KCNIP4: variants seen among roughly 807,000 people sequenced by gnomAD.
KCNIP4 encodes the protein potassium voltage-gated channel interacting protein 4, also known as Kv channel-interacting protein 4.
KCNIP4 carries 12 observed loss-of-function variants against 34.0 expected under a neutral mutation model. The ratio of observed to expected loss-of-function variants is 0.35; its 90% confidence interval spans 0.23 to 0.57. The LOEUF (loss-of-function observed/expected upper bound fraction) is 0.57, where lower values mean the gene tolerates loss of function less well. Ranked by LOEUF, KCNIP4 falls within the 20% of genes least tolerant of loss-of-function variation. KCNIP4 has a pLI of 0.83. For missense variants in KCNIP4, 238 were observed against 311.7 expected, an observed-to-expected ratio of 0.76 and a Z score of 1.78; for synonymous variants, 124 against 102.2, an observed-to-expected ratio of 1.21 and a Z score of -1.29.
chr4:21,416,936 G>A (rs1040280232), intron 1 of KCNIP4, among the ~76,000 whole-genome samples: 2 of 152,212 alleles, frequency 1.3e-5, no homozygotes, highest in African/African-American at 4.8e-5. Flanking sequence ...TCAAAGTCAT[G>A]CTGATGAGAG....
intron 1 of KCNIP4, among the ~76,000 whole-genome samples, chr4:21,072,414 T>C (rs1745036896): frequency 6.6e-6 from 1 of 152,236 alleles, no homozygotes; most frequent in Non-Finnish European, 1.5e-5. Context: ...CATTTTTTCA[T>C]GTGTCTGTTG....
At chr4:21,266,660 C>G (rs1187098137) in intron 1 of KCNIP4, among the ~76,000 whole-genome samples, 1 of 152,194 alleles carries the variant, frequency 6.6e-6, no homozygotes, top group Non-Finnish European at 1.5e-5. Context: ...GGAGCTGCAT[C>G]TGCGAATGTC....
At chr4:21,042,029 G>A (rs1742006370) in intron 1 of KCNIP4, among the ~76,000 whole-genome samples, 1 of 152,188 alleles carries the variant, frequency 6.6e-6, no homozygotes, top group Non-Finnish European at 1.5e-5. Context: ...CAAGCAGCCA[G>A]CACAATGCTT....
chr4:20,792,102 A>C (rs947195820), intron 3 of KCNIP4, among the ~76,000 whole-genome samples: 2 of 152,210 alleles, frequency 1.3e-5, no homozygotes, highest in Non-Finnish European at 2.9e-5. Context: ...GGCTGGGTGC[A>C]ATGGCTCACG....
intron 1 of KCNIP4, among the ~76,000 whole-genome samples, chr4:21,143,680 G>C (rs1328848063): frequency 6.6e-6 from 1 of 151,432 alleles, no homozygotes; most frequent in Non-Finnish European, 1.5e-5. Context: ...GGACCACTAG[G>C]CTTTGTTTAA....
intron 1 of KCNIP4, among the ~76,000 whole-genome samples, chr4:21,905,326 C>T (rs1727934135): frequency 6.6e-6 from 1 of 152,124 alleles, no homozygotes. Flanking sequence ...GGGAATAGCT[C>T]AACTCTGCAT....
chr4:21,911,502 G>A (rs1272235104), intron 1 of KCNIP4, among the ~76,000 whole-genome samples: 1 of 135,606 alleles, frequency 7.4e-6, no homozygotes, highest in African/African-American at 2.7e-5. Context: ...CCTGAGAGGC[G>A]CTTGACTTTT....
rs1736339696 is a variant in KCNIP4 at position 20,983,942 on chromosome 4, G to A, written c.62-101233C>T. 5 of 1,535,922 alleles carry A rather than the reference G, an allele frequency of 3.3e-6. No individual in the cohort carries two copies. The East Asian group carries it at 1.2e-4, about 38-fold the overall frequency. On this transcript the variant is annotated intron_variant, in intron 1 of 8. Coordinates refer to ENST00000382152, the MANE Select transcript of KCNIP4 (RefSeq NM_025221.6). ...AGTCAACATCCTCTGAGCTGGCAGA[G>A]CATCCCAGCCTCCAGACCCCTTTGG...
rs374243641 is a variant in KCNIP4 at position 20,974,341 on chromosome 4, T to C, written c.62-91632A>G. Among the ~76,000 whole-genome samples, 6 of 152,078 alleles carry C rather than the reference T, an allele frequency of 3.9e-5. No individual in the cohort carries two copies. The East Asian group carries it at 5.8e-4, about 15-fold the overall frequency. On this transcript the variant is annotated intron_variant, in intron 1 of 8. Coordinates refer to ENST00000382152, the MANE Select transcript of KCNIP4 (RefSeq NM_025221.6). Reference sequence around the variant, plus strand: ...CAGTGCATCAGGATTCATTATTAAGTGTGTTTGCTGTACCACGTACATCAG... The same window carrying C: ...CAGTGCATCAGGATTCATTATTAAGCGTGTTTGCTGTACCACGTACATCAG...
intron 1 of KCNIP4, among the ~76,000 whole-genome samples, chr4:21,830,085 A>G (rs1321818759): frequency 6.6e-6 from 1 of 152,184 alleles, no homozygotes; most frequent in Non-Finnish European, 1.5e-5. Context: ...AAGTACATGC[A>G]GCCTACCTAC....
intron 1 of KCNIP4, among the ~76,000 whole-genome samples, chr4:20,887,373 T>C (rs994394100): frequency 6.6e-6 from 1 of 151,188 alleles, no homozygotes; most frequent in Admixed American, 6.6e-5. Context: ...AAGTGAAATC[T>C]GTTGAACCAA....
chr4:20,889,968 G>A (rs1725753660), intron 1 of KCNIP4, among the ~76,000 whole-genome samples: 1 of 151,994 alleles, frequency 6.6e-6, no homozygotes, highest in Non-Finnish European at 1.5e-5. Flanking sequence ...CATTATAAAT[G>A]ATGTTCTTTG....
At chr4:21,107,199 G>A (rs1164686198) in intron 1 of KCNIP4, among the ~76,000 whole-genome samples, 1 of 147,256 alleles carries the variant, frequency 6.8e-6, no homozygotes. Flanking sequence ...ACAGTGGGGT[G>A]TTAAAGTCTC....
chr4:21,544,545 C>T (rs1737977913), intron 1 of KCNIP4: 1 of 152,114 alleles, frequency 6.6e-6, no homozygotes, highest in South Asian at 2.1e-4. Context: ...GAAGCCAATT[C>T]CTTGACATTG....
rs1747610511 is a variant in KCNIP4, at chr4:20,730,109, G to A, written c.726C>T (p.Ser242=). ...AAATCACATTTTCAAAGAGCTGCAT[G>A]GAGCGCATTATGTTTTCATCCTGTA... ...SCQKDENIMR[S]MQLFENVI Residue 242 remains serine, a synonymous_variant, in exon 9 of 9, where the codon TCC becomes TCT. Transcript: ENST00000382152. 6.2e-7 allele frequency: 1 copy of A among 1,608,854 alleles called. No homozygotes were observed. Among genetic ancestry groups the A allele is most frequent in the Non-Finnish European group, 8.5e-7 (1 of 1,178,204 alleles).
chr4:21,111,913 C>A (rs141116085), intron 1 of KCNIP4, among the ~76,000 whole-genome samples: 6 of 152,278 alleles, frequency 3.9e-5, no homozygotes, highest in African/African-American at 1.4e-4. Context: ...ACATGCTAAT[C>A]CAGTGGAATC....
intron 3 of KCNIP4, among the ~76,000 whole-genome samples, chr4:20,766,205 C>T (rs1246779790): frequency 2.0e-5 from 3 of 152,098 alleles, no homozygotes; most frequent in Non-Finnish European, 4.4e-5. Flanking sequence ...AGAGGGGCCA[C>T]TGCATTCCCA....
intron 1 of KCNIP4, among the ~76,000 whole-genome samples, chr4:21,121,432 G>A (rs1466815001): frequency 6.6e-6 from 1 of 152,160 alleles, no homozygotes; most frequent in East Asian, 1.9e-4. Flanking sequence ...TTATTTGATG[G>A]TGAGTAATCA....
chr4:21,233,834 T>A (rs1758981674), intron 1 of KCNIP4, among the ~76,000 whole-genome samples: 2 of 139,390 alleles, frequency 1.4e-5, no homozygotes, highest in Admixed American at 7.4e-5. Context: ...ATATATTATA[T>A]AATATATATT....
Sources: gnomAD v4.1 joint callset for allele counts (sites outside exome capture counted in the v4.1 genomes callset) on GRCh38, gnomAD v4.1.1 for gene constraint, MANE v1.5 for transcripts, NCBI Gene and HGNC (gene_info 2026-07-23, HGNC 2026-07-21) for gene names.